Variants in CREB3L2 observed in about 807,000 individuals in gnomAD.
CREB3L2 encodes the protein cyclic AMP-responsive element-binding protein 3-like protein 2.
In CREB3L2, 23 loss-of-function variants were observed where a neutral mutation model predicts 57.2. That is an observed-to-expected ratio of 0.40 (90% confidence interval 0.29 to 0.57). The LOEUF is 0.57. Among genes scored for constraint, CREB3L2 ranks in the 20% least tolerant of loss-of-function variants. The pLI is 0.42. For synonymous variants in CREB3L2, 268 were observed against 265.1 expected (o/e 1.01, Z -0.11); for missense variants, 628 against 634.7 (o/e 0.99, Z 0.11).
chr7:137,968,712 C>A lies in CREB3L2; in HGVS notation c.102+32892G>T, dbSNP rs553839640. Reference sequence around the variant, plus strand: ...TCACACTGTTTCAAGCCAGCTGAACCTCCTCCAATGGGGGGTACAGCTGGA... The same window carrying A: ...TCACACTGTTTCAAGCCAGCTGAACATCCTCCAATGGGGGGTACAGCTGGA... On this transcript the variant is annotated intron_variant, in intron 1 of 11. Transcript: ENST00000330387. 1.2e-4 allele frequency among the ~76,000 whole-genome samples: 18 copies of A among 152,262 alleles called. No individual in the cohort carries two copies. The South Asian group carries it at 3.7e-3, about 32-fold the overall frequency.
intron 1 of CREB3L2, among the ~76,000 whole-genome samples, chr7:137,987,553 C>G (rs1198738525): frequency 3.3e-5 from 5 of 152,232 alleles, no homozygotes; most frequent in African/African-American, 1.2e-4. Flanking sequence ...GCTTATGACT[C>G]CATATGCCAA....
At chr7:137,906,612 C>A (rs1359685610) in intron 5 of CREB3L2, among the ~76,000 whole-genome samples, 2 of 152,208 alleles carry the variant, frequency 1.3e-5, no homozygotes, top group East Asian at 3.9e-4. Flanking sequence ...AAACTGTAAT[C>A]TTAGCTGATA....
intron 1 of CREB3L2, among the ~76,000 whole-genome samples, chr7:137,993,484 G>A (rs927539824): frequency 4.6e-5 from 7 of 152,092 alleles, no homozygotes; most frequent in African/African-American, 1.4e-4. Flanking sequence ...TTGCAAAACC[G>A]TTTACAAGAA....
intron 1 of CREB3L2, among the ~76,000 whole-genome samples, chr7:137,969,386 G>A (rs1352118836): frequency 3.4e-5 from 4 of 118,084 alleles, no homozygotes; most frequent in Admixed American, 1.2e-4. Flanking sequence ...TCATGCCGTC[G>A]CCCAGGCTGG....
In CREB3L2 at chr7:137,980,455, T is replaced by C. The variant is rs1563272570; in HGVS notation, c.102+21149A>G. ...AGCTCAGGAGAGTGGTCACCCAGGC[T>C]GAGTTATGCAAGTGACCACAGGCTC... On this transcript the variant is annotated intron_variant, in intron 1 of 11. Coordinates refer to ENST00000330387, the MANE Select transcript of CREB3L2 (RefSeq NM_194071.4). This position sits in a 1 kb window ranked among gnomAD's most constrained non-coding sequence, Gnocchi z 4.3. Among the ~76,000 whole-genome samples, 1 of 152,200 alleles carries C rather than the reference T, an allele frequency of 6.6e-6. No homozygotes were observed. The highest frequency in any genetic ancestry group is 1.5e-5 in the Non-Finnish European group (1 of 68,032).
intron 1 of CREB3L2, chr7:137,953,538 C>A: frequency 7.8e-7 from 1 of 1,288,468 alleles, no homozygotes. Flanking sequence ...TGCGGGTTTG[C>A]AGAGGAGGGG....
chr7:137,952,739 A>G (rs2117273410), intron 1 of CREB3L2, among the ~76,000 whole-genome samples: 1 of 152,144 alleles, frequency 6.6e-6, no homozygotes, highest in East Asian at 1.9e-4. Flanking sequence ...TTCTCCTTTG[A>G]CCCCAAATCC....
chr7:137,985,181 G>A (rs181708128), intron 1 of CREB3L2, among the ~76,000 whole-genome samples: 15 of 152,272 alleles, frequency 9.9e-5, no homozygotes, highest in African/African-American at 2.4e-4. Flanking sequence ...CCATTCACAC[G>A]CCAGAATCTC....
At chr7:137,943,065 G>A (rs1800904513) in intron 1 of CREB3L2, among the ~76,000 whole-genome samples, 1 of 152,106 alleles carries the variant, frequency 6.6e-6, no homozygotes, top group Non-Finnish European at 1.5e-5. Context: ...AAAACGCTTG[G>A]GTTTTAGACC....
intron 1 of CREB3L2, among the ~76,000 whole-genome samples, chr7:137,929,936 C>G (rs913935069): frequency 1.3e-5 from 2 of 151,008 alleles, no homozygotes; most frequent in East Asian, 2.0e-4. Context: ...CTTGCTCTGT[C>G]GCCCAGGCTG....
chr7:137,958,003 G>T (rs930273408), intron 1 of CREB3L2: 8 of 282,004 alleles, frequency 2.8e-5, no homozygotes, highest in African/African-American at 1.8e-4. Context: ...AGTCCCAGGA[G>T]CTGTTCAACT....
rs747435447 is a variant in CREB3L2, at chr7:138,001,653, A to AGCTTGCGGTCCCACTGCAGCACGCCCT, written c.26_52dup (p.Gln9_Lys17dup). 3.1e-6 allele frequency: 5 copies of AGCTTGCGGTCCCACTGCAGCACGCCCT among 1,613,264 alleles called. No homozygotes were observed. The highest frequency in any genetic ancestry group is 4.2e-6 in the Non-Finnish European group (5 of 1,179,818). ...GTCCCCGGGCTCTGACAGCTCGCTC[A>AGCTTGCGGTCCCACTGCAGCACGCCCT]GCTTGCGGTCCCACTGCAGCACGCC... On this transcript the variant is annotated inframe_insertion, in exon 1 of 12. Coordinates refer to ENST00000330387, the MANE Select transcript of CREB3L2 (RefSeq NM_194071.4). The surrounding 1 kb of genome is among the most constrained non-coding windows in gnomAD (Gnocchi z 4.2).
At chr7:137,922,362 C>T (rs13239212) in intron 2 of CREB3L2, among the ~76,000 whole-genome samples, 12,167 of 126,956 alleles carry the variant, frequency 0.096, 1,626 homozygotes, top group African/African-American at 0.3. Context: ...CAGATACTTT[C>T]TGGTTTACTA....
At chr7:137,921,467 A>T (rs540654157) in intron 2 of CREB3L2, among the ~76,000 whole-genome samples, 76 of 152,384 alleles carry the variant, frequency 5.0e-4, no homozygotes, top group African/African-American at 1.7e-3. Flanking sequence ...ATGCCAAGTT[A>T]TCAAATCATC....
intron 1 of CREB3L2, among the ~76,000 whole-genome samples, chr7:137,988,171 T>C (rs1432857615): frequency 6.6e-6 from 1 of 152,212 alleles, no homozygotes; most frequent in Non-Finnish European, 1.5e-5. Flanking sequence ...CCCACACCTG[T>C]TCCTCATGTC....
chr7:137,888,581 TGG>T, intron 8 of CREB3L2, among the ~76,000 whole-genome samples: 1 of 152,132 alleles, frequency 6.6e-6, no homozygotes, highest in Non-Finnish European at 1.5e-5. Context: ...AAGCCCTTGC[TGG>T]GTTCTCCCTG....
intron 1 of CREB3L2, among the ~76,000 whole-genome samples, chr7:137,937,700 CCA>C (rs1800814087): frequency 1.3e-5 from 2 of 151,894 alleles, no homozygotes; most frequent in Non-Finnish European, 2.9e-5. Context: ...CTTTATTACA[CCA>C]GAGTTTTGGA....
chr7:137,895,347 A>G (rs1168938027), intron 8 of CREB3L2, among the ~76,000 whole-genome samples: 1 of 152,236 alleles, frequency 6.6e-6, no homozygotes, highest in African/African-American at 2.4e-5. Flanking sequence ...GTGAAAATGT[A>G]TTTCTTGATG....
rs1410828387 is a variant in CREB3L2, at chr7:137,992,745, T to C, written c.102+8859A>G. 2.6e-5 allele frequency among the ~76,000 whole-genome samples: 4 copies of C among 152,212 alleles called. No individual in the cohort carries two copies. In the East Asian group the frequency reaches 5.8e-4, roughly 22 times the overall value. ...GCCAGAAAAGGAGGAAGAACTAAGCTTGCCAGAGTGTCATGGAAGCCAAAG... is the reference window on the plus strand; with the variant it reads ...GCCAGAAAAGGAGGAAGAACTAAGCCTGCCAGAGTGTCATGGAAGCCAAAG... On this transcript the variant is annotated intron_variant, in intron 1 of 11. Coordinates refer to ENST00000330387, the MANE Select transcript of CREB3L2 (RefSeq NM_194071.4).
Sources: gnomAD v4.1 joint callset for allele counts (sites outside exome capture counted in the v4.1 genomes callset) on GRCh38, gnomAD v4.1.1 for gene constraint, Gnocchi (gnomAD v3.1) non-coding constraint, MANE v1.5 for transcripts, NCBI Gene and HGNC (gene_info 2026-07-23, HGNC 2026-07-21) for gene names.